Variants in DHTKD1 observed in about 807,000 individuals in gnomAD.
DHTKD1 encodes 2-oxoadipate dehydrogenase complex component E1.
Under a neutral mutation model 101.8 loss-of-function variants are expected in DHTKD1, and 78 were observed. That is an observed-to-expected ratio of 0.77 (90% CI 0.64 to 0.93). The LOEUF (loss-of-function observed/expected upper bound fraction) is 0.93. Among genes scored for constraint, DHTKD1 ranks in the 40% least tolerant of loss-of-function variants. The pLI is 0.00. For missense variants in DHTKD1, 1,223 were observed against 1,161.7 expected (o/e 1.05, Z -0.77); for synonymous variants, 462 against 450.3 (o/e 1.03, Z -0.33).
intron 13 of DHTKD1, chr10:12,116,257 C>T (rs930093021): frequency 1.3e-5 from 2 of 151,818 alleles, no homozygotes; most frequent in Non-Finnish European, 2.9e-5. Flanking sequence ...GTCGTGGCAC[C>T]AGGCAAAAGG....
rs1415194999 is a variant in DHTKD1, at chr10:12,100,257, C to A, written c.1751C>A (p.Ala584Asp). ...AEALALGSLL[A>D]QGFNVRLSGQ... ...GCTCTTGCCTTGGGTTCTTTACTTG[C>A]TCAAGGTAAGAATTTTCTTTTTTTT... Residue 584 changes from alanine to aspartate, a missense_variant, in exon 9 of 17, where the codon GCT (alanine) becomes GAT (aspartate). Transcript: ENST00000263035. 2 of 945,138 alleles carry A rather than the reference C, an allele frequency of 2.1e-6. No individual in the cohort carries two copies. The highest frequency in any genetic ancestry group is 2.9e-6 in the Non-Finnish European group (2 of 687,356). 58.5% of individuals were successfully genotyped at this position (945,138 alleles called of 1,614,324 possible).
At chr10:12,077,184 A>G (rs1403297778) in intron 1 of DHTKD1, among the ~76,000 whole-genome samples, 2 of 150,700 alleles carry the variant, frequency 1.3e-5, no homozygotes, top group East Asian at 1.9e-4. Context: ...CAGTGTAACA[A>G]TGTAGGTGCA....
chr10:12,098,998 T>C (rs187090776), intron 8 of DHTKD1, among the ~76,000 whole-genome samples: 5 of 152,202 alleles, frequency 3.3e-5, no homozygotes, highest in Admixed American at 3.3e-4. Flanking sequence ...TAGTGGACCT[T>C]ATCGCTAGTA....
chr10:12,107,859 C>A lies in DHTKD1; in HGVS notation c.2048-50C>A. ...TCCCCAGCTGAGTCGTGTCAGGCCA[C>A]TTTGTCCCCGCTTCGTAGAGCTCTT... On this transcript the variant is annotated intron_variant, in intron 11 of 16. Coordinates refer to ENST00000263035, the MANE Select transcript of DHTKD1 (RefSeq NM_018706.7). This position sits in a 1 kb window ranked among gnomAD's most constrained non-coding sequence, Gnocchi z 4.1. 1 of 1,324,912 alleles carries A rather than the reference C, an allele frequency of 7.5e-7. No individual in the cohort carries two copies. Among genetic ancestry groups the A allele is most frequent in the Non-Finnish European group, 1.1e-6 (1 of 925,670 alleles). 82.1% of individuals were successfully genotyped at this position (1,324,912 alleles called of 1,614,324 possible). A position where few individuals can be genotyped will look rare whatever the true frequency, so the allele number is the denominator to read the frequency against.
chr10:12,101,621 G>A (rs1192811063), intron 10 of DHTKD1, among the ~76,000 whole-genome samples: 5 of 151,506 alleles, frequency 3.3e-5, no homozygotes, highest in African/African-American at 4.9e-5. Context: ...CTTTTTTTTC[G>A]GAGACTTAAT....
Position 12,120,770 on chromosome 10 carries a change from C to T in DHTKD1, c.2659-17C>T, listed in dbSNP as rs761853050. 2 of 1,607,842 alleles carry T rather than the reference C, an allele frequency of 1.2e-6. No individual in the cohort carries two copies. Among genetic ancestry groups the T allele is most frequent in the Non-Finnish European group, 1.7e-6 (2 of 1,174,354 alleles). On this transcript the variant is annotated splice_polypyrimidine_tract_variant and intron_variant, in intron 16 of 16. Coordinates refer to ENST00000263035, the MANE Select transcript of DHTKD1 (RefSeq NM_018706.7). ...TAGTCAAAATGTCATTTTATTTCTTCTCTGCTGCACTTATAGCTCCGTCTG... is the reference window on the plus strand; with the variant it reads ...TAGTCAAAATGTCATTTTATTTCTTTTCTGCTGCACTTATAGCTCCGTCTG...
Position 12,103,489 on chromosome 10 carries a change from A to ATGTGTGTGTGTGTG in DHTKD1, c.1896+2309_1896+2310insGTGTGTGTGTGTGT, listed in dbSNP as rs1385420126. ...TCCCCCAACTTCGTTGTACATCTCAATCTGTGTGTGTGTGTGTGTGTGTGT... is the reference window on the plus strand; with the variant it reads ...TCCCCCAACTTCGTTGTACATCTCAATGTGTGTGTGTGTGTCTGTGTGTGTGTGTGTGTGTGTGT... On this transcript the variant is annotated intron_variant, in intron 10 of 16. Transcript: ENST00000263035. This position sits in a 1 kb window ranked among gnomAD's most constrained non-coding sequence, Gnocchi z 4.8. Among the ~76,000 whole-genome samples the ATGTGTGTGTGTGTG allele has an allele frequency of 2.5e-5, 2 of 81,240 alleles. No homozygotes were observed. The highest frequency in any genetic ancestry group is 4.3e-5 in the African/African-American group (1 of 23,116). 53.3% of individuals were successfully genotyped at this position (81,240 alleles called of 152,430 possible). A position where few individuals can be genotyped will look rare whatever the true frequency, so the allele number is the denominator to read the frequency against.
chr10:12,085,291 CAG>C (rs1236680273), intron 3 of DHTKD1, among the ~76,000 whole-genome samples: 2 of 151,788 alleles, frequency 1.3e-5, no homozygotes, highest in African/African-American at 4.8e-5. Context: ...GCCTGGGTGA[CAG>C]AGCGAGACTC....
chr10:12,097,552 G>T, intron 7 of DHTKD1, 132 bp from the exon 8 acceptor site: 1 of 763,194 alleles, frequency 1.3e-6, no homozygotes, highest in Admixed American at 2.9e-5. Flanking sequence ...AAGATTGTAG[G>T]TGTGAGCCAC....
chr10:12,085,008 G>C (rs138258565), intron 3 of DHTKD1, among the ~76,000 whole-genome samples: 1 of 151,902 alleles, frequency 6.6e-6, no homozygotes, highest in African/African-American at 2.4e-5. Context: ...CCGAGATTGC[G>C]CCATTGCACT....
At chr10:12,077,098 GTATA>G (rs1269753304) in intron 1 of DHTKD1, among the ~76,000 whole-genome samples, 12 of 148,646 alleles carry the variant, frequency 8.1e-5, no homozygotes, top group Non-Finnish European at 1.6e-4. Context: ...ATATATATAA[GTATA>G]TATAATTACA....
intron 13 of DHTKD1, among the ~76,000 whole-genome samples, chr10:12,114,864 C>T (rs1198919039): frequency 4.6e-5 from 7 of 151,830 alleles, no homozygotes; most frequent in East Asian, 3.9e-4. Flanking sequence ...GCTGCGATCT[C>T]GGCTCACTGC....
At chr10:12,080,587 T>C (rs1474305537) in intron 1 of DHTKD1, among the ~76,000 whole-genome samples, 1 of 151,616 alleles carries the variant, frequency 6.6e-6, no homozygotes, top group East Asian at 1.9e-4. Flanking sequence ...GGCGGGAACC[T>C]GTAGTCCCAG....
chr10:12,074,785 A>G (rs936728818), intron 1 of DHTKD1, among the ~76,000 whole-genome samples: 12 of 151,994 alleles, frequency 7.9e-5, no homozygotes, highest in Non-Finnish European at 1.6e-4. Flanking sequence ...CTGTCATCCC[A>G]GCACTTTGGG....
chr10:12,112,500 GCACACA>G (rs141598482), intron 12 of DHTKD1, among the ~76,000 whole-genome samples: 14,849 of 151,046 alleles, frequency 0.098, 782 homozygotes, highest in Non-Finnish European at 0.12. Context: ...AAGCACGCGT[GCACACA>G]CACACACACA....
At chr10:12,090,444 C>T (rs140095279) in intron 5 of DHTKD1, among the ~76,000 whole-genome samples, 12 of 89,586 alleles carry the variant, frequency 1.3e-4, no homozygotes, top group East Asian at 2.9e-4. Flanking sequence ...TCCTTCCTTC[C>T]TTCCTTCCTT....
At chr10:12,099,187 A>C (rs936422922) in intron 8 of DHTKD1, among the ~76,000 whole-genome samples, 1 of 145,576 alleles carries the variant, frequency 6.9e-6, no homozygotes, top group East Asian at 2.0e-4. Context: ...AGAGGAAATT[A>C]AAAAAAAAAA....
rs76565424 is a variant in DHTKD1 at position 12,118,369 on chromosome 10, C to G, written c.2403-380C>G. On this transcript the variant is annotated intron_variant, in intron 14 of 16. Coordinates refer to ENST00000263035, the MANE Select transcript of DHTKD1 (RefSeq NM_018706.7). ...TTTAAATCTGCACTGTCTCCCGTTT[C>G]TTCTGACATAATTCTCTTTTTTTTT... 7.4e-4 allele frequency among the ~76,000 whole-genome samples: 107 copies of G among 144,528 alleles called. 2 individuals are homozygous for G. The East Asian group carries it at 0.019, about 26-fold the overall frequency. 94.8% of individuals were successfully genotyped at this position (144,528 alleles called of 152,430 possible). A position where few individuals can be genotyped will look rare whatever the true frequency, so the allele number is the denominator to read the frequency against.
intron 14 of DHTKD1, among the ~76,000 whole-genome samples, 166 bp from the exon 15 acceptor site, chr10:12,118,583 C>G (rs111426474): frequency 6.6e-6 from 1 of 151,820 alleles, no homozygotes. Context: ...AGGGTTTCAC[C>G]GTGTTAGCCA....
Sources: gnomAD v4.1 joint callset for allele counts (sites outside exome capture counted in the v4.1 genomes callset) on GRCh38, gnomAD v4.1.1 for gene constraint, Gnocchi (gnomAD v3.1) non-coding constraint, MANE v1.5 for transcripts, NCBI Gene and HGNC (gene_info 2026-07-23, HGNC 2026-07-21) for gene names.